Variants in SYNE1 observed in about 807,000 individuals in gnomAD.
SYNE1 encodes nesprin-1.
In SYNE1, 616 loss-of-function variants were observed where a neutral mutation model predicts 1,111.0. The ratio of observed to expected loss-of-function variants is 0.55; its 90% CI spans 0.52 to 0.59. SYNE1 has a LOEUF of 0.59. SYNE1 is among the 20% of genes least tolerant of loss of function. The pLI, the probability that SYNE1 is intolerant of heterozygous loss-of-function variation, is 0.00. For missense variants in SYNE1, 10,006 were observed against 10,417.0 expected (o/e 0.96, Z 1.72); for synonymous variants, 3,855 against 3,825.8 (o/e 1.01, Z -0.28).
intron 11 of SYNE1, among the ~76,000 whole-genome samples, chr6:152,495,065 T>C (rs2098991727): frequency 6.6e-6 from 1 of 152,184 alleles, no homozygotes; most frequent in Admixed American, 6.5e-5. Flanking sequence ...ACCTCTTCCA[T>C]GTAGGTTACA....
chr6:152,304,601 G>A (rs1589667773), intron 91 of SYNE1, among the ~76,000 whole-genome samples: 1 of 152,170 alleles, frequency 6.6e-6, no homozygotes, highest in Non-Finnish European at 1.5e-5. Context: ...TGAGATTACA[G>A]GCGTGAGCCA....
At chr6:152,540,729 T>C (rs2127999190) in intron 3 of SYNE1, among the ~76,000 whole-genome samples, 1 of 152,364 alleles carries the variant, frequency 6.6e-6, no homozygotes, top group Admixed American at 6.5e-5. Flanking sequence ...CCTGCTGGCC[T>C]AGAAGAAGCA....
rs2060512458 is a variant in SYNE1 at position 152,152,024 on chromosome 6, G to A, written c.24247C>T (p.His8083Tyr). Reference sequence around the variant, plus strand: ...TTGTCCCATCTCTGGTTGCCTTCGTGAACCATCTGTTTGAGGCTACATGCT... The same window carrying A: ...TTGTCCCATCTCTGGTTGCCTTCGTAAACCATCTGTTTGAGGCTACATGCT... Reference protein sequence around the residue: ...DSACSLKQMVHEGNQRWDNLQ... With the variant: ...DSACSLKQMVYEGNQRWDNLQ... Residue 8083 changes from histidine to tyrosine, a missense_variant, in exon 134 of 146, where the codon CAC becomes TAC. Transcript: ENST00000367255. 22 of 1,614,210 alleles carry A rather than the reference G, an allele frequency of 1.4e-5. No homozygotes were observed. Among genetic ancestry groups the A allele is most frequent in the Non-Finnish European group, 1.8e-5 (21 of 1,180,044 alleles).
chr6:152,255,809 T>A (rs2090669888), intron 102 of SYNE1, 63 bp from the exon 103 acceptor site: 1 of 1,582,434 alleles, frequency 6.3e-7, no homozygotes. Flanking sequence ...AGGAAAAATA[T>A]CAGGATGGGG....
intron 90 of SYNE1, among the ~76,000 whole-genome samples, chr6:152,309,199 C>G (rs958504502): frequency 1.3e-5 from 2 of 152,162 alleles, no homozygotes; most frequent in East Asian, 3.9e-4. Flanking sequence ...TGACTTTTAG[C>G]CTCAGGAATT....
At chr6:152,522,462 A>T (rs532004591) in intron 5 of SYNE1, among the ~76,000 whole-genome samples, 22 of 152,144 alleles carry the variant, frequency 1.4e-4, no homozygotes, top group African/African-American at 5.1e-4. Flanking sequence ...CTCACTGGTC[A>T]GTGGCCACTT....
intron 10 of SYNE1, among the ~76,000 whole-genome samples, chr6:152,502,378 T>A (rs942098667): frequency 1.3e-5 from 2 of 152,216 alleles, no homozygotes; most frequent in Non-Finnish European, 2.9e-5. Flanking sequence ...AACACTGCTA[T>A]CTTTTCTCAG....
At chr6:152,190,524 G>T (rs2071951623) in intron 127 of SYNE1, among the ~76,000 whole-genome samples, 2 of 152,134 alleles carry the variant, frequency 1.3e-5, no homozygotes, top group Admixed American at 1.3e-4. Flanking sequence ...TTTAATAGAT[G>T]ATAGCAAAGT....
chr6:152,459,099 C>G (rs1252147494), intron 21 of SYNE1, among the ~76,000 whole-genome samples, 169 bp from the exon 22 acceptor site: 1 of 151,996 alleles, frequency 6.6e-6, no homozygotes, highest in African/African-American at 2.4e-5. Flanking sequence ...TCAAATTTTG[C>G]TGTGAAAAAT....
intron 25 of SYNE1, 117 bp downstream of exon 25, chr6:152,453,469 A>T (rs745817158): frequency 6.7e-7 from 1 of 1,498,032 alleles, no homozygotes; most frequent in African/African-American, 1.4e-5. Flanking sequence ...TAAATGAGCG[A>T]AATAGTTACA....
At chr6:152,248,484 C>T in intron 105 of SYNE1, among the ~76,000 whole-genome samples, 1 of 150,384 alleles carries the variant, frequency 6.6e-6, no homozygotes. Context: ...GCTAATGAGG[C>T]ATGCAACAAA....
chr6:152,428,395 A>G lies in SYNE1; in HGVS notation c.4789-3T>C, dbSNP rs1228194784. On this transcript the variant is annotated splice_region_variant and splice_polypyrimidine_tract_variant and intron_variant, in intron 36 of 145. Coordinates refer to ENST00000367255, the MANE Select transcript of SYNE1 (RefSeq NM_182961.4). Reference sequence around the variant, plus strand: ...GACTCCAGGGCCTGGCAGAGATCCTAAGAAGAGTGCGAGAAGAATGCAGTG... The same window carrying G: ...GACTCCAGGGCCTGGCAGAGATCCTGAGAAGAGTGCGAGAAGAATGCAGTG... 1.9e-6 allele frequency: 3 copies of G among 1,613,356 alleles called. No homozygotes were observed. The highest frequency in any genetic ancestry group is 1.7e-5 in the Admixed American group (1 of 60,018).
intron 98 of SYNE1, among the ~76,000 whole-genome samples, chr6:152,270,120 G>A (rs1247384213): frequency 6.6e-6 from 1 of 152,104 alleles, no homozygotes; most frequent in Non-Finnish European, 1.5e-5. Context: ...CTACTAGGGC[G>A]ATAGATTTAA....
At chr6:152,412,226 C>A (rs1180967511) in intron 42 of SYNE1, among the ~76,000 whole-genome samples, 2 of 151,876 alleles carry the variant, frequency 1.3e-5, no homozygotes, top group Admixed American at 1.3e-4. Context: ...TCGAGACCAT[C>A]CTGGCTAACA....
chr6:152,327,902 C>T (rs987880102), intron 78 of SYNE1, among the ~76,000 whole-genome samples: 1 of 151,986 alleles, frequency 6.6e-6, no homozygotes, highest in African/African-American at 2.4e-5. Context: ...TAAGCAATAG[C>T]CTTGAATCAA....
intron 93 of SYNE1, among the ~76,000 whole-genome samples, chr6:152,299,966 TTCTA>T (rs1380043229): frequency 6.6e-6 from 1 of 152,234 alleles, no homozygotes; most frequent in African/African-American, 2.4e-5. Context: ...TATTTTTGAT[TTCTA>T]TCTAACATTT....
In SYNE1 at chr6:152,442,149, C is replaced by G. The variant is rs200276242; in HGVS notation, c.3934G>C (p.Glu1312Gln). 9 of 1,613,942 alleles carry G rather than the reference C, an allele frequency of 5.6e-6. No homozygotes were observed. The highest frequency in any genetic ancestry group is 7.6e-6 in the Non-Finnish European group (9 of 1,180,026). ...GEGGLPDRGH[E>Q]ELRKLESTLD... ...GTGCTCTCCAGCTTCCGCAGCTCCT[C>G]GTGGCCTCGGTCAGGCAGCCCCCCT... Residue 1312 changes from glutamate (E) to glutamine (Q), a missense_variant, in exon 31 of 146, where the codon GAG (glutamate) becomes CAG (glutamine). Coordinates refer to ENST00000367255, the MANE Select transcript of SYNE1 (RefSeq NM_182961.4).
chr6:152,379,028 T>C (rs2097346574), intron 56 of SYNE1, among the ~76,000 whole-genome samples: 1 of 152,198 alleles, frequency 6.6e-6, no homozygotes, highest in Non-Finnish European at 1.5e-5. Context: ...TTTTACACCA[T>C]ATGGAACCTT....
At chr6:152,387,629 G>C (rs1389117476) in intron 53 of SYNE1, among the ~76,000 whole-genome samples, 2 of 152,140 alleles carry the variant, frequency 1.3e-5, no homozygotes, top group African/African-American at 2.4e-5. Flanking sequence ...CATGCATCTG[G>C]AATTTGTCTT....
Sources: allele counts gnomAD v4.1 joint callset (sites outside exome capture counted in the v4.1 genomes callset), GRCh38; gene constraint gnomAD v4.1.1; transcripts MANE v1.5; gene names NCBI Gene and HGNC (gene_info 2026-07-23, HGNC 2026-07-21).